GALNT2: variants seen among roughly 807,000 people sequenced by gnomAD.
GALNT2 encodes UDP-GalNAc:polypeptide N-acetylgalactosaminyltransferase 2.
Under a neutral mutation model 81.4 loss-of-function variants are expected in GALNT2, and 31 were observed. The observed-to-expected ratio is 0.38, with a 90% CI of 0.29 to 0.51. GALNT2 has a LOEUF of 0.51. GALNT2 is among the 20% of genes least tolerant of loss of function. GALNT2 has a pLI of 0.87. For missense variants in GALNT2, 629 were observed against 765.7 expected, an observed-to-expected ratio of 0.82 and a Z score of 2.11; for synonymous variants, 303 against 287.4, an observed-to-expected ratio of 1.05 and a Z score of -0.55.
intron 2 of GALNT2, among the ~76,000 whole-genome samples, chr1:230,185,334 T>G (rs1437718196): frequency 6.6e-6 from 1 of 151,712 alleles, no homozygotes; most frequent in Non-Finnish European, 1.5e-5. Flanking sequence ...AACCTCTTAG[T>G]GTGCCTTGTA....
chr1:230,190,006 T>C (rs1382075846), intron 2 of GALNT2, among the ~76,000 whole-genome samples: 1 of 152,216 alleles, frequency 6.6e-6, no homozygotes, highest in Non-Finnish European at 1.5e-5. Context: ...CTGTGATACA[T>C]GTCGTGTGAG....
At chr1:230,177,744 A>G (rs1663029184) in intron 1 of GALNT2, among the ~76,000 whole-genome samples, 1 of 152,134 alleles carries the variant, frequency 6.6e-6, no homozygotes, top group Non-Finnish European at 1.5e-5. Context: ...TAAATCATTT[A>G]ACACTCTCTG....
intron 2 of GALNT2, among the ~76,000 whole-genome samples, chr1:230,197,263 C>T (rs913272346): frequency 8.0e-5 from 12 of 150,378 alleles, no homozygotes; most frequent in Non-Finnish European, 7.4e-5. Context: ...CCACTGGCCC[C>T]GCCTTCTCAC....
intron 10 of GALNT2, among the ~76,000 whole-genome samples, chr1:230,254,853 G>A (rs1360286912): frequency 2.6e-5 from 4 of 152,222 alleles, no homozygotes; most frequent in African/African-American, 4.8e-5. Context: ...TTGTCACTCA[G>A]TAGTTACGAT....
chr1:230,120,615 C>T (rs1369799616), intron 1 of GALNT2, among the ~76,000 whole-genome samples: 3 of 152,172 alleles, frequency 2.0e-5, no homozygotes, highest in Non-Finnish European at 4.4e-5. Flanking sequence ...TGCTCAGCTC[C>T]GATCTGCCCT....
At chr1:230,099,417 A>G (rs1049255702) in intron 1 of GALNT2, among the ~76,000 whole-genome samples, 16 of 152,196 alleles carry the variant, frequency 1.1e-4, no homozygotes, top group African/African-American at 3.9e-4. Context: ...CTCTGCTGCA[A>G]GTTTCTCAAA....
At chr1:230,274,349 G>T in intron 14 of GALNT2, 96 bp from the exon 15 acceptor site, 4 of 1,495,126 alleles carry the variant, frequency 2.7e-6, no homozygotes, top group Non-Finnish European at 3.6e-6. Flanking sequence ...GCTCCACCCC[G>T]TGACCCATTT....
chr1:230,139,787 C>G (rs932462421), intron 1 of GALNT2, among the ~76,000 whole-genome samples: 9 of 152,210 alleles, frequency 5.9e-5, no homozygotes, highest in African/African-American at 2.2e-4. Flanking sequence ...AATCCAGTTT[C>G]GTTCCCACCT....
chr1:230,229,266 A>C (rs554089427), intron 3 of GALNT2, among the ~76,000 whole-genome samples: 1 of 152,364 alleles, frequency 6.6e-6, no homozygotes, highest in African/African-American at 2.4e-5. Context: ...ACCTAATCAA[A>C]AAATGGACAA....
intron 11 of GALNT2, among the ~76,000 whole-genome samples, chr1:230,255,944 G>A (rs950913017): frequency 2.6e-5 from 4 of 152,208 alleles, no homozygotes; most frequent in African/African-American, 9.7e-5. Flanking sequence ...TCTACTCATA[G>A]TTCTGGAGGC....
chr1:230,222,360 T>A (rs1306341338), intron 3 of GALNT2, among the ~76,000 whole-genome samples: 1 of 152,088 alleles, frequency 6.6e-6, no homozygotes, highest in African/African-American at 2.4e-5. Flanking sequence ...CCCATGAGAG[T>A]TGAATGTTGA....
At chr1:230,190,386 C>T (rs995298050) in intron 2 of GALNT2, among the ~76,000 whole-genome samples, 1 of 152,208 alleles carries the variant, frequency 6.6e-6, no homozygotes, top group African/African-American at 2.4e-5. Flanking sequence ...AGCCTCAGGC[C>T]TTGCACAGTT....
chr1:230,114,365 A>G lies in GALNT2; in HGVS notation c.126+46959A>G, dbSNP rs189682064. On this transcript the variant is annotated intron_variant, in intron 1 of 15. Coordinates refer to ENST00000366672, the MANE Select transcript of GALNT2 (RefSeq NM_004481.5). ...TGAAGACTGAGCCCTGGAAGAAGAGAACAAATCTCATCCTTTGTCACTTGG... is the reference window on the plus strand; with the variant it reads ...TGAAGACTGAGCCCTGGAAGAAGAGGACAAATCTCATCCTTTGTCACTTGG... Among the ~76,000 whole-genome samples, 38 of 152,316 alleles carry G rather than the reference A, an allele frequency of 2.5e-4. 2 individuals carry two copies. In the East Asian group the frequency reaches 7.1e-3, roughly 29 times the overall value.
At chr1:230,074,063 T>A (rs1006454275) in intron 1 of GALNT2, among the ~76,000 whole-genome samples, 1 of 151,132 alleles carries the variant, frequency 6.6e-6, no homozygotes. Flanking sequence ...CTGGTTCAGT[T>A]TCTTAACTCT....
chr1:230,251,690 G>T (rs760753951), intron 10 of GALNT2, among the ~76,000 whole-genome samples: 13 of 152,148 alleles, frequency 8.5e-5, no homozygotes, highest in African/African-American at 2.9e-4. Flanking sequence ...CTGTTCCATG[G>T]GTATCCCCTA....
chr1:230,152,246 CAG>C (rs1316838758), intron 1 of GALNT2, among the ~76,000 whole-genome samples: 2 of 152,164 alleles, frequency 1.3e-5, no homozygotes, highest in East Asian at 1.9e-4. Flanking sequence ...GTAAAGCTCT[CAG>C]GGGGCTCAGG....
intron 1 of GALNT2, among the ~76,000 whole-genome samples, chr1:230,138,059 G>A (rs767539205): frequency 2.6e-5 from 4 of 152,114 alleles, no homozygotes; most frequent in South Asian, 2.1e-4. Flanking sequence ...ATGTCGTTGC[G>A]TGCGTCTTTT....
chr1:230,105,748 A>G (rs943618279), intron 1 of GALNT2, among the ~76,000 whole-genome samples: 6 of 152,192 alleles, frequency 3.9e-5, no homozygotes, highest in Non-Finnish European at 5.9e-5. Flanking sequence ...ATCAAGGTTC[A>G]TGTCCTGTTG....
chr1:230,264,073 G>A (rs1413817328), intron 13 of GALNT2: 1 of 152,234 alleles, frequency 6.6e-6, no homozygotes, highest in Non-Finnish European at 1.5e-5. Flanking sequence ...GCTTTTGCTG[G>A]GGATTGAGAG....
Sources: allele counts gnomAD v4.1 joint callset (sites outside exome capture counted in the v4.1 genomes callset), GRCh38; gene constraint gnomAD v4.1.1; transcripts MANE v1.5; gene names NCBI Gene and HGNC (gene_info 2026-07-23, HGNC 2026-07-21).